Variants in PRIMA1 observed in about 807,000 individuals in gnomAD.
PRIMA1 encodes proline rich membrane anchor 1, also known as proline-rich membrane anchor 1.
In PRIMA1, 7 loss-of-function variants were observed where a neutral mutation model predicts 17.5. The ratio of observed to expected loss-of-function variants is 0.40; its 90% CI spans 0.23 to 0.75. PRIMA1 has a LOEUF of 0.75. Ranked by LOEUF, PRIMA1 falls within the 30% of genes least tolerant of loss-of-function variation. PRIMA1 has a pLI of 0.37. For missense variants in PRIMA1, 200 were observed against 201.8 expected, an observed-to-expected ratio of 0.99 and a Z score of 0.05; for synonymous variants, 97 against 77.9, an observed-to-expected ratio of 1.25 and a Z score of -1.29.
At chr14:93,770,234 CT>C (rs1222389311) in intron 3 of PRIMA1, among the ~76,000 whole-genome samples, 2 of 152,226 alleles carry the variant, frequency 1.3e-5, no homozygotes, top group South Asian at 2.1e-4. Flanking sequence ...AGCCTCCACT[CT>C]TCCCCTTCCT....
intron 4 of PRIMA1, chr14:93,725,717 C>G (rs1395982159): frequency 8.8e-6 from 3 of 340,100 alleles, no homozygotes; most frequent in Non-Finnish European, 1.2e-5. Flanking sequence ...TCTGGCATAC[C>G]GTAAGTGCTC....
intron 3 of PRIMA1, among the ~76,000 whole-genome samples, chr14:93,770,737 G>A (rs1295102772): frequency 1.3e-5 from 2 of 152,130 alleles, no homozygotes; most frequent in African/African-American, 4.8e-5. Flanking sequence ...CGCACACACA[G>A]AGCAATCAAT....
intron 3 of PRIMA1, among the ~76,000 whole-genome samples, chr14:93,772,501 G>A (rs1885098893): frequency 6.6e-6 from 1 of 152,260 alleles, no homozygotes; most frequent in African/African-American, 2.4e-5. Context: ...TCCGCCATCT[G>A]AGTCACAGGC....
intron 4 of PRIMA1, among the ~76,000 whole-genome samples, chr14:93,728,395 C>G (rs1310113023): frequency 1.3e-5 from 2 of 152,116 alleles, no homozygotes; most frequent in Non-Finnish European, 2.9e-5. Flanking sequence ...TGAGAAGGAC[C>G]CTGCCATGCA....
intron 4 of PRIMA1, among the ~76,000 whole-genome samples, chr14:93,727,341 A>C (rs921699183): frequency 2.0e-5 from 3 of 152,210 alleles, no homozygotes; most frequent in Non-Finnish European, 4.4e-5. Flanking sequence ...ACTGCTCTGC[A>C]GCCTGGGATT....
intron 3 of PRIMA1, among the ~76,000 whole-genome samples, chr14:93,748,548 C>T (rs979149865): frequency 2.0e-5 from 3 of 152,088 alleles, no homozygotes; most frequent in African/African-American, 4.8e-5. Context: ...AAGGAAGGAA[C>T]GGGGGACACA....
At chr14:93,738,128 G>C (rs1184837885) in intron 3 of PRIMA1, among the ~76,000 whole-genome samples, 2 of 152,276 alleles carry the variant, frequency 1.3e-5, no homozygotes, top group South Asian at 2.1e-4. Flanking sequence ...TCAAAATTTG[G>C]AAAAGTGTCA....
chr14:93,776,274 C>G (rs1885219625), intron 3 of PRIMA1, among the ~76,000 whole-genome samples: 1 of 152,198 alleles, frequency 6.6e-6, no homozygotes, highest in Non-Finnish European at 1.5e-5. Context: ...TTTTGTATTG[C>G]TTAAACCACT....
At chr14:93,725,868 TAG>T (rs1242020413) in intron 4 of PRIMA1, 1 of 451,018 alleles carries the variant, frequency 2.2e-6, no homozygotes, top group Non-Finnish European at 4.5e-6. Context: ...CCGGAAATGC[TAG>T]AGAGAGTTGT....
At chr14:93,741,100 G>T (rs1438731757) in intron 3 of PRIMA1, among the ~76,000 whole-genome samples, 1 of 152,198 alleles carries the variant, frequency 6.6e-6, no homozygotes, top group Admixed American at 6.5e-5. Flanking sequence ...AACACTAACG[G>T]CTATGAAATG....
At chr14:93,742,223 G>A (rs1235794970) in intron 3 of PRIMA1, among the ~76,000 whole-genome samples, 1 of 152,186 alleles carries the variant, frequency 6.6e-6, no homozygotes, top group Non-Finnish European at 1.5e-5. Flanking sequence ...TGAAACAAAT[G>A]AGGTGAGTCC....
intron 3 of PRIMA1, among the ~76,000 whole-genome samples, chr14:93,759,510 T>C (rs2007175): frequency 0.53 from 80,677 of 151,856 alleles, 21,611 homozygotes; most frequent in African/African-American, 0.64. Flanking sequence ...TGCGTGTGCA[T>C]GTGTGTGTGC....
chr14:93,780,431 G>A (rs1885345895), intron 2 of PRIMA1, among the ~76,000 whole-genome samples: 1 of 152,136 alleles, frequency 6.6e-6, no homozygotes, highest in Non-Finnish European at 1.5e-5. Flanking sequence ...TAAATTTTTG[G>A]TGAATGAATG....
At position 93,780,413 on chromosome 14, in the gene PRIMA1, C is replaced by T. The variant is rs527638598; in HGVS notation, c.94-1102G>A. ...AAATCACCACTTAAGGGAATGCCCA[C>T]CATTTGATAAATTTTTGGTGAATGA... On this transcript the variant is annotated intron_variant, in intron 2 of 4. Transcript: ENST00000393140. 5.9e-5 allele frequency among the ~76,000 whole-genome samples: 9 copies of T among 152,312 alleles called. 1 individual carries two copies. The highest frequency in any genetic ancestry group is 2.2e-4 in the African/African-American group (9 of 41,576).
intron 2 of PRIMA1, among the ~76,000 whole-genome samples, chr14:93,786,194 C>G (rs994222298): frequency 2.0e-5 from 3 of 152,180 alleles, no homozygotes; most frequent in Non-Finnish European, 4.4e-5. Context: ...AAAAGTTGAA[C>G]AAGCGAAGCT....
Position 93,745,210 on chromosome 14 carries a change from A to C in PRIMA1, c.230-7840T>G, listed in dbSNP as rs574680898. On this transcript the variant is annotated intron_variant, in intron 3 of 4. Transcript: ENST00000393140. ...CCTCTCACCCACCATAGACAGGAAC[A>C]GTGGGCCTGTGGATATGCATAACGC... 3.0e-3 allele frequency among the ~76,000 whole-genome samples: 451 copies of C among 152,292 alleles called. 2 individuals carry two copies. Among genetic ancestry groups the C allele is most frequent in the Non-Finnish European group, 4.2e-3 (287 of 68,014 alleles).
chr14:93,725,865 T>C (rs1439854639), intron 4 of PRIMA1: 4 of 448,782 alleles, frequency 8.9e-6, no homozygotes, highest in African/African-American at 4.0e-5. Flanking sequence ...GCTCCGGAAA[T>C]GCTAGAGAGA....
At chr14:93,756,342 A>G (rs1350616363) in intron 3 of PRIMA1, among the ~76,000 whole-genome samples, 2 of 152,210 alleles carry the variant, frequency 1.3e-5, no homozygotes, top group African/African-American at 4.8e-5. Context: ...GGCCTCAGAC[A>G]TGGATTGATT....
chr14:93,768,384 AT>A (rs1274008795), intron 3 of PRIMA1, among the ~76,000 whole-genome samples: 1 of 152,112 alleles, frequency 6.6e-6, no homozygotes, highest in Non-Finnish European at 1.5e-5. Flanking sequence ...ACCTGTTTCT[AT>A]TTTGATACAG....
Sources: gnomAD v4.1 joint callset for allele counts (sites outside exome capture counted in the v4.1 genomes callset) on GRCh38, gnomAD v4.1.1 for gene constraint, MANE v1.5 for transcripts, NCBI Gene and HGNC (gene_info 2026-07-23, HGNC 2026-07-21) for gene names.